PTGER3: variants seen among roughly 807,000 people sequenced by gnomAD.
PTGER3 encodes the protein prostaglandin E2 receptor EP3 subtype.
Under a neutral mutation model 34.7 loss-of-function variants are expected in PTGER3, and 22 were observed. The observed-to-expected ratio is 0.63, with a 90% CI of 0.45 to 0.91. PTGER3 has a LOEUF of 0.91. Ranked by LOEUF, PTGER3 falls within the 40% of genes least tolerant of loss-of-function variation. PTGER3 has a pLI of 0.00. For synonymous variants in PTGER3, 241 were observed against 230.1 expected (o/e 1.05, Z -0.43); for missense variants, 468 against 519.4 (o/e 0.90, Z 0.96).
intron 4 of PTGER3, among the ~76,000 whole-genome samples, chr1:70,871,486 G>A (rs568463429): frequency 6.6e-5 from 10 of 152,246 alleles, no homozygotes; most frequent in African/African-American, 1.9e-4. Context: ...TTTGAGATAG[G>A]GCTGACAGCA....
chr1:70,853,366 A>G lies in PTGER3; in HGVS notation c.*24-507T>C, dbSNP rs374610725. 2.2e-3 allele frequency among the ~76,000 whole-genome samples: 339 copies of G among 152,356 alleles called. 9 individuals are homozygous for G. In the South Asian group the frequency reaches 0.067, roughly 30 times the overall value. On this transcript the variant is annotated intron_variant, in intron 4 of 4. Transcript: ENST00000370931. ...AGAAATCCAGAATGGGAGGCATTCT[A>G]TAGAACAACTAAACTAATTTCTATA...
intron 4 of PTGER3, among the ~76,000 whole-genome samples, chr1:70,883,177 G>A (rs1337239960): frequency 6.6e-6 from 1 of 152,070 alleles, no homozygotes; most frequent in East Asian, 1.9e-4. Context: ...GAAACTTGTT[G>A]AACATGAGTA....
downstream of PTGER3, among the ~76,000 whole-genome samples, chr1:70,947,869 G>C (rs1020828513): frequency 2.6e-4 from 39 of 152,098 alleles, no homozygotes; most frequent in African/African-American, 8.7e-4. Flanking sequence ...TTACATATAT[G>C]TGCTATGGTT....
intron 1 of PTGER3, among the ~76,000 whole-genome samples, chr1:71,018,108 C>G (rs943765060): frequency 1.3e-5 from 2 of 152,036 alleles, no homozygotes; most frequent in Non-Finnish European, 2.9e-5. Context: ...ACTAATACAG[C>G]CACCAAGATT....
chr1:70,921,199 G>A (rs913642073), intron 4 of PTGER3, among the ~76,000 whole-genome samples: 12 of 152,052 alleles, frequency 7.9e-5, no homozygotes, highest in Non-Finnish European at 1.8e-4. Flanking sequence ...TCCCCCTCAA[G>A]GAGCTTACAA....
In PTGER3 at chr1:70,907,638, C is replaced by A. The variant is rs114301931; in HGVS notation, c.*23+46125G>T. ...GTAACACATCATGAAATGAATGGTA[C>A]TTTTGCGATCAGGCATGAGCATGTC... On this transcript the variant is annotated intron_variant, in intron 4 of 4. Transcript: ENST00000370931. Among the ~76,000 whole-genome samples, 1,489 of 152,268 alleles carry A rather than the reference C, an allele frequency of 9.8e-3. 32 individuals carry two copies. Among genetic ancestry groups the A allele is most frequent in the African/African-American group, 0.034 (1,410 of 41,540 alleles).
At chr1:70,937,722 G>C (rs1419574376) in intron 4 of PTGER3, among the ~76,000 whole-genome samples, 3 of 152,080 alleles carry the variant, frequency 2.0e-5, no homozygotes, top group Non-Finnish European at 2.9e-5. Context: ...AAAACATACT[G>C]TTTCTTTATC....
intron 1 of PTGER3, among the ~76,000 whole-genome samples, chr1:71,019,171 A>G (rs1456586680): frequency 6.6e-6 from 1 of 152,208 alleles, no homozygotes; most frequent in East Asian, 1.9e-4. Context: ...AGGCATGAAT[A>G]TGGTAGAATT....
At chr1:70,939,630 G>T (rs567756857) in intron 4 of PTGER3, among the ~76,000 whole-genome samples, 62 of 152,346 alleles carry the variant, frequency 4.1e-4, no homozygotes, top group African/African-American at 1.5e-3. Flanking sequence ...GCACCCACAG[G>T]CTCAACACCA....
rs543280109 is a variant in PTGER3, at chr1:71,047,651, G to C, written c.-74C>G. ...AGGGGGCAGACGCGGCGCGGGCGGCGGCGGAGGTCGGCGTTTACCGCGGCT... is the reference window on the plus strand; with the variant it reads ...AGGGGGCAGACGCGGCGCGGGCGGCCGCGGAGGTCGGCGTTTACCGCGGCT... On this transcript the variant is annotated 5_prime_UTR_variant, in exon 1 of 4. Coordinates refer to ENST00000306666, the MANE Select transcript of PTGER3 (RefSeq NM_198719.2). 3.5e-5 allele frequency: 50 copies of C among 1,436,284 alleles called. No homozygotes were observed. Among genetic ancestry groups the C allele is most frequent in the Non-Finnish European group, 4.1e-5 (45 of 1,086,672 alleles). 89.0% of individuals were successfully genotyped at this position (1,436,284 alleles called of 1,614,324 possible). A position where few individuals can be genotyped will look rare whatever the true frequency, so the allele number is the denominator to read the frequency against.
In PTGER3 at chr1:70,964,526, C is replaced by T. The variant is rs145929018; in HGVS notation, c.1078-10737G>A. On this transcript the variant is annotated intron_variant, in intron 2 of 3. Transcript: ENST00000356595. The stretch of plus-strand genomic sequence containing the variant: ...GAAAGACAGCATGTGCAGGGGAACT[C>T]CCCTTTATAAAACCATCATCTCTTG... Among the ~76,000 whole-genome samples the T allele has an allele frequency of 7.3e-3, 1,109 of 152,226 alleles. 11 individuals are homozygous for T. Among genetic ancestry groups the T allele is most frequent in the Middle Eastern group, 0.017 (5 of 294 alleles).
chr1:70,897,726 C>T (rs1646751163), intron 4 of PTGER3, among the ~76,000 whole-genome samples: 1 of 152,186 alleles, frequency 6.6e-6, no homozygotes, highest in Non-Finnish European at 1.5e-5. Context: ...GGAATGTTTC[C>T]TGGTTTCCAC....
At chr1:70,980,457 A>G (rs1472467077) in intron 2 of PTGER3, among the ~76,000 whole-genome samples, 1 of 151,940 alleles carries the variant, frequency 6.6e-6, no homozygotes. Context: ...CTACCCCTAT[A>G]AGATTGTTGG....
intron 4 of PTGER3, among the ~76,000 whole-genome samples, chr1:70,865,385 T>C (rs1557613329): frequency 6.6e-6 from 1 of 151,780 alleles, no homozygotes; most frequent in Non-Finnish European, 1.5e-5. Flanking sequence ...GAGAGACAGA[T>C]TAGGAAGTGA....
intron 4 of PTGER3, among the ~76,000 whole-genome samples, chr1:70,883,433 T>G (rs532101592): frequency 5.3e-5 from 8 of 152,336 alleles, no homozygotes; most frequent in African/African-American, 1.9e-4. Context: ...ATTTCTGTTT[T>G]CTTTTGAAGT....
Position 71,023,243 on chromosome 1 carries a change from C to T in PTGER3, c.898-10759G>A, listed in dbSNP as rs1055239160. Among the ~76,000 whole-genome samples, 14 of 151,956 alleles carry T rather than the reference C, an allele frequency of 9.2e-5. No individual in the cohort carries two copies. The East Asian group carries it at 2.1e-3, about 23-fold the overall frequency. On this transcript the variant is annotated intron_variant, in intron 1 of 3. Transcript: ENST00000306666. ...GAATCAACGCCACAGTCTTACTTGT[C>T]TGTAACATCAGACCTAATTGAATGT... is the stretch of plus-strand genomic sequence containing the variant.
intron 1 of PTGER3, among the ~76,000 whole-genome samples, chr1:71,019,695 T>C (rs763804420): frequency 2.0e-5 from 3 of 152,206 alleles, no homozygotes; most frequent in Non-Finnish European, 2.9e-5. Context: ...TGCAGCAGGA[T>C]TTATAATCAC....
At chr1:70,974,038 C>T (rs1450468670) in intron 3 of PTGER3, among the ~76,000 whole-genome samples, 1 of 152,124 alleles carries the variant, frequency 6.6e-6, no homozygotes, top group African/African-American at 2.4e-5. Context: ...CAGTGACTTA[C>T]AGATTCTTTC....
At chr1:70,880,910 TG>T (rs1646378371) in intron 4 of PTGER3, among the ~76,000 whole-genome samples, 1 of 152,076 alleles carries the variant, frequency 6.6e-6, no homozygotes. Context: ...TATAGTGTCT[TG>T]TAGGGGTTCT....
Sources: gnomAD v4.1 joint callset for allele counts (sites outside exome capture counted in the v4.1 genomes callset) on GRCh38, gnomAD v4.1.1 for gene constraint, MANE v1.5 for transcripts, NCBI Gene and HGNC (gene_info 2026-07-23, HGNC 2026-07-21) for gene names.